The following MEDAG variants were observed in gnomAD, a reference collection of about 807,000 sequenced individuals.
The protein encoded by MEDAG is mesenteric estrogen-dependent adipogenesis protein.
Under a neutral mutation model 29.9 loss-of-function variants are expected in MEDAG, and 25 were observed. The ratio of observed to expected loss-of-function variants is 0.84; its 90% CI spans 0.61 to 1.17. The LOEUF is 1.17. MEDAG is among the 50% of genes most tolerant of loss of function. The pLI is 0.00. For missense variants in MEDAG, 398 were observed against 372.9 expected, an observed-to-expected ratio of 1.07 and a Z score of -0.56; for synonymous variants, 158 against 148.2, an observed-to-expected ratio of 1.07 and a Z score of -0.48.
rs950164736 is a variant in MEDAG at position 30,925,187 on chromosome 13, T to A, written c.*752T>A. ...ATTGGACACGGCAGCGTCCTCCTTA[T>A]TGAAAACACATTATGTCAGTTGGGA... On this transcript the variant is annotated 3_prime_UTR_variant, in exon 5 of 5. Coordinates refer to ENST00000380482, the MANE Select transcript of MEDAG (RefSeq NM_032849.4). 6.6e-6 allele frequency: 1 copy of A among 152,170 alleles called. No homozygotes were observed. Among genetic ancestry groups the A allele is most frequent in the Non-Finnish European group, 1.5e-5 (1 of 68,030 alleles). 9.4% of individuals were successfully genotyped at this position (152,170 alleles called of 1,614,324 possible). A position where few individuals can be genotyped will look rare whatever the true frequency, so the allele number is the denominator to read the frequency against.
chr13:30,924,551 TCCTC>T lies in MEDAG; in HGVS notation c.*118_*121del. ...TTCCACCTGCGTGTCAATCTCCGGCTCCTCCATGGCTTCTATGGAGGACTCCTCT... is the reference window on the plus strand; with the variant it reads ...TTCCACCTGCGTGTCAATCTCCGGCTCATGGCTTCTATGGAGGACTCCTCT... On this transcript the variant is annotated 3_prime_UTR_variant, in exon 5 of 5. Coordinates refer to ENST00000380482, the MANE Select transcript of MEDAG (RefSeq NM_032849.4). 9.0e-7 allele frequency: 1 copy of T among 1,115,040 alleles called. No individual in the cohort carries two copies. Among genetic ancestry groups the T allele is most frequent in the Admixed American group, 2.3e-5 (1 of 42,612 alleles). The allele number at this position is 1,115,040 out of a possible 1,614,324, so 69.1% of individuals were successfully genotyped here. A position where few individuals can be genotyped will look rare whatever the true frequency, so the allele number is the denominator to read the frequency against.
intron 1 of MEDAG, among the ~76,000 whole-genome samples, chr13:30,912,265 G>T (rs111688657): frequency 6.6e-6 from 1 of 152,200 alleles, no homozygotes; most frequent in African/African-American, 2.4e-5. Context: ...AGGGCAGAAG[G>T]CGGAGGGAAG....
At position 30,915,201 on chromosome 13, in the gene MEDAG, C is replaced by A. The variant is rs9576224; in HGVS notation, c.279-2202C>A. On this transcript the variant is annotated intron_variant, in intron 1 of 4. Transcript: ENST00000380482. ...ACAACATACTTCACCTTCTCTTCAC[C>A]CCCTTCCCAAGCCACTCTTACCTGC... Among the ~76,000 whole-genome samples the A allele has an allele frequency of 7.2e-5, 11 of 152,032 alleles. No individual in the cohort carries two copies. The South Asian group carries it at 1.9e-3, about 26-fold the overall frequency.
intron 1 of MEDAG, among the ~76,000 whole-genome samples, chr13:30,909,485 C>A (rs1282824931): frequency 6.6e-6 from 1 of 152,084 alleles, no homozygotes; most frequent in Non-Finnish European, 1.5e-5. Flanking sequence ...AAAGCAGCCA[C>A]CAAGATGGCC....
At chr13:30,914,194 G>T (rs1427398210) in intron 1 of MEDAG, among the ~76,000 whole-genome samples, 1 of 152,176 alleles carries the variant, frequency 6.6e-6, no homozygotes, top group Admixed American at 6.5e-5. Context: ...CGATCTTATC[G>T]TGTTTTAGTG....
intron 1 of MEDAG, among the ~76,000 whole-genome samples, chr13:30,911,706 T>C (rs933797814): frequency 3.3e-5 from 5 of 152,160 alleles, no homozygotes; most frequent in Admixed American, 6.5e-5. Flanking sequence ...GAACTATGCA[T>C]TTCTCTGGCA....
Position 30,921,644 on chromosome 13 carries a change from A to G in MEDAG, c.585A>G (p.Glu195=). The change falls in exon 4 of 5, where the codon GAA becomes GAG. Residue 195 remains glutamate (E), a synonymous_variant. Coordinates refer to ENST00000380482, the MANE Select transcript of MEDAG (RefSeq NM_032849.4). ...VNGENLSFAY[E]FKADALFDFF... Reference sequence around the variant, plus strand: ...GAGAAAATTTAAGCTTTGCATATGAATTCAAAGCTGATGCATTATTTGATT... The same window carrying G: ...GAGAAAATTTAAGCTTTGCATATGAGTTCAAAGCTGATGCATTATTTGATT... The G allele has an allele frequency of 2.5e-6, 4 of 1,614,042 alleles. No homozygotes were observed. Among genetic ancestry groups the G allele is most frequent in the Non-Finnish European group, 3.4e-6 (4 of 1,179,980 alleles).
At chr13:30,907,855 C>T (rs1005047350) in intron 1 of MEDAG, among the ~76,000 whole-genome samples, 1 of 152,214 alleles carries the variant, frequency 6.6e-6, no homozygotes, top group African/African-American at 2.4e-5. Flanking sequence ...GTGCAGTCTT[C>T]AAAACTCTTG....
At chr13:30,915,676 G>T (rs1376473530) in intron 1 of MEDAG, among the ~76,000 whole-genome samples, 2 of 137,026 alleles carry the variant, frequency 1.5e-5, no homozygotes, top group Non-Finnish European at 3.0e-5. Context: ...GTCTCCTGAG[G>T]TTCCCCCATC....
At chr13:30,920,830 T>C (rs1952976399) in intron 2 of MEDAG, among the ~76,000 whole-genome samples, 184 bp from the exon 3 acceptor site, 2 of 152,290 alleles carry the variant, frequency 1.3e-5, no homozygotes. Context: ...ATCTGCAAAA[T>C]TCTCAGAAAC....
rs1953024750 is a variant in MEDAG, at chr13:30,924,648, AC to A, written c.*215del. ...GCTGATTCCCCTAAAACTTATGATTACCAGGATGGAAAGGCCTTGGTCCCAT... is the reference window on the plus strand; with the variant it reads ...GCTGATTCCCCTAAAACTTATGATTACAGGATGGAAAGGCCTTGGTCCCAT... On this transcript the variant is annotated 3_prime_UTR_variant, in exon 5 of 5. Coordinates refer to ENST00000380482, the MANE Select transcript of MEDAG (RefSeq NM_032849.4). The A allele has an allele frequency of 2.3e-6, 1 of 429,126 alleles. No homozygotes were observed. Among genetic ancestry groups the A allele is most frequent in the Non-Finnish European group, 4.1e-6 (1 of 244,914 alleles). 26.6% of individuals were successfully genotyped at this position (429,126 alleles called of 1,614,324 possible).
At chr13:30,912,918 G>A (rs146243293) in intron 1 of MEDAG, among the ~76,000 whole-genome samples, 1 of 152,340 alleles carries the variant, frequency 6.6e-6, no homozygotes, top group Non-Finnish European at 1.5e-5. Flanking sequence ...AAGTTGGCCA[G>A]GATTAGAGAT....
chr13:30,906,914 TC>T, intron 1 of MEDAG, 121 bp downstream of exon 1: 2 of 1,021,036 alleles, frequency 2.0e-6, no homozygotes, highest in Non-Finnish European at 1.3e-6. Flanking sequence ...GGCCCCTTGC[TC>T]CGTGCGCTTC....
chr13:30,908,893 TGGG>T (rs1185140236), intron 1 of MEDAG: 1 of 152,694 alleles, frequency 6.5e-6, no homozygotes, highest in African/African-American at 2.4e-5. Context: ...GAGGCTGAGG[TGGG>T]CGGATTGCTT....
At chr13:30,918,757 A>G (rs7331889) in intron 2 of MEDAG, among the ~76,000 whole-genome samples, 14,275 of 152,260 alleles carry the variant, frequency 0.094, 692 homozygotes, top group African/African-American at 0.12. Context: ...CTCTCATTCA[A>G]ATTTGTGGAG....
intron 1 of MEDAG, among the ~76,000 whole-genome samples, chr13:30,914,775 A>G (rs1002816616): frequency 2.0e-5 from 3 of 152,170 alleles, no homozygotes; most frequent in Non-Finnish European, 2.9e-5. Context: ...GACCCATTGG[A>G]TGTCAATCAA....
At chr13:30,916,966 G>A (rs531229708) in intron 1 of MEDAG, among the ~76,000 whole-genome samples, 2 of 152,266 alleles carry the variant, frequency 1.3e-5, no homozygotes, top group African/African-American at 4.8e-5. Context: ...GGGATTAGTG[G>A]GGAAGTGGGG....
At chr13:30,913,580 C>T (rs1215571665) in intron 1 of MEDAG, among the ~76,000 whole-genome samples, 2 of 152,032 alleles carry the variant, frequency 1.3e-5, no homozygotes, top group Non-Finnish European at 2.9e-5. Flanking sequence ...TAGAAACTTT[C>T]ACCCCAGAAG....
At chr13:30,919,826 A>T (rs761884406) in intron 2 of MEDAG, among the ~76,000 whole-genome samples, 8 of 152,152 alleles carry the variant, frequency 5.3e-5, no homozygotes, top group Admixed American at 2.6e-4. Flanking sequence ...TAGACCAAGG[A>T]CTGAGTAATT....
Sources: allele counts gnomAD v4.1 joint callset (sites outside exome capture counted in the v4.1 genomes callset), GRCh38; gene constraint gnomAD v4.1.1; transcripts MANE v1.5; gene names NCBI Gene and HGNC (gene_info 2026-07-23, HGNC 2026-07-21).